The following SSH2 variants were observed in gnomAD, a reference collection of about 807,000 sequenced individuals.
SSH2 encodes the protein slingshot protein phosphatase 2.
Under a neutral mutation model 135.2 loss-of-function variants are expected in SSH2, and 37 were observed. The observed-to-expected ratio is 0.27, with a 90% CI of 0.21 to 0.36. The LOEUF (loss-of-function observed/expected upper bound fraction) is 0.36. SSH2 is among the 10% of genes least tolerant of loss of function. The probability of loss-of-function intolerance (pLI) is 1.00; values close to 1 mark genes in which losing one functional copy is unlikely to be tolerated. For missense variants in SSH2, 1,408 were observed against 1,765.3 expected (o/e 0.80, Z 3.63); for synonymous variants, 628 against 646.2 (o/e 0.97, Z 0.43).
intron 3 of SSH2, among the ~76,000 whole-genome samples, chr17:29,707,373 C>G (rs969220111): frequency 6.6e-6 from 1 of 151,998 alleles, no homozygotes; most frequent in African/African-American, 2.4e-5. Context: ...TCCAGAAACT[C>G]CTGATTATAA....
chr17:29,892,048 T>C (rs2066359603), intron 1 of SSH2, among the ~76,000 whole-genome samples: 1 of 152,074 alleles, frequency 6.6e-6, no homozygotes, highest in Non-Finnish European at 1.5e-5. Context: ...CTTTCTTTTT[T>C]TTTTCTTTCT....
chr17:29,839,460 A>G (rs1218294050), intron 2 of SSH2, among the ~76,000 whole-genome samples: 1 of 152,250 alleles, frequency 6.6e-6, no homozygotes, highest in Non-Finnish European at 1.5e-5. Context: ...TTGATTATTA[A>G]GCTAACTCTT....
chr17:29,761,885 A>ATTTTT lies in SSH2; in HGVS notation c.188+32008_188+32009insAAAAA, dbSNP rs199771095. Among the ~76,000 whole-genome samples the ATTTTT allele has an allele frequency of 4.0e-3, 552 of 139,438 alleles. 2 individuals carry two copies. The highest frequency in any genetic ancestry group is 5.6e-3 in the Non-Finnish European group (370 of 65,940). 91.5% of individuals were successfully genotyped at this position (139,438 alleles called of 152,430 possible). ...TGTGTGTGTGTGTATATATATATAT[A>ATTTTT]TATTTTTTTTTGAGATGGAGTTTCT... On this transcript the variant is annotated intron_variant, in intron 3 of 15. Transcript: ENST00000540801.
intron 2 of SSH2, among the ~76,000 whole-genome samples, chr17:29,803,898 A>G (rs2042294639): frequency 6.6e-6 from 1 of 152,204 alleles, no homozygotes; most frequent in African/African-American, 2.4e-5. Flanking sequence ...AGGACAAGAA[A>G]GGACCTGCAA....
Position 29,627,864 on chromosome 17 carries a change from T to C in SSH2, c.*2977A>G, listed in dbSNP as rs376240095. 2.0e-5 allele frequency: 3 copies of C among 152,322 alleles called. No homozygotes were observed. Among genetic ancestry groups the C allele is most frequent in the East Asian group, 3.9e-4 (2 of 5,190 alleles). 9.4% of individuals were successfully genotyped at this position (152,322 alleles called of 1,614,324 possible). On this transcript the variant is annotated 3_prime_UTR_variant, in exon 16 of 16. Transcript: ENST00000540801. ...AAAACATCAACTGTTTTTATATATG[T>C]ACATATGTGTACACATGCACATACA...
intron 5 of SSH2, among the ~76,000 whole-genome samples, chr17:29,686,300 CTCA>C (rs2038216287): frequency 6.6e-6 from 1 of 152,024 alleles, no homozygotes; most frequent in Non-Finnish European, 1.5e-5. Flanking sequence ...GATCTATGCC[CTCA>C]TCGAGTTATA....
chr17:29,731,417 TTTTATTTATTTATTTATTTATTTA>T (rs142032070), intron 3 of SSH2, among the ~76,000 whole-genome samples: 15 of 119,754 alleles, frequency 1.3e-4, no homozygotes, highest in African/African-American at 2.4e-4. Context: ...CAGAAGTATT[TTTTATTTATTTATTTATTTATTTA>T]TTTATTTATT....
At chr17:29,768,064 G>A (rs2041488230) in intron 3 of SSH2, among the ~76,000 whole-genome samples, 1 of 151,952 alleles carries the variant, frequency 6.6e-6, no homozygotes, top group Non-Finnish European at 1.5e-5. Flanking sequence ...CATTATTAGT[G>A]TCTCCTGCTA....
chr17:29,868,761 TCCCAC>T (rs2065896312), intron 1 of SSH2, among the ~76,000 whole-genome samples: 1 of 148,696 alleles, frequency 6.7e-6, no homozygotes, highest in African/African-American at 2.5e-5. Context: ...AAAACTCAGT[TCCCAC>T]CAGGAAATTC....
chr17:29,741,292 A>T (rs971264642), intron 3 of SSH2, among the ~76,000 whole-genome samples: 1 of 152,228 alleles, frequency 6.6e-6, no homozygotes, highest in African/African-American at 2.4e-5. Flanking sequence ...AGCAATCTGT[A>T]TCAAAAGCCC....
chr17:29,639,530 C>G (rs2036060593), intron 14 of SSH2: 2 of 152,558 alleles, frequency 1.3e-5, no homozygotes, highest in Non-Finnish European at 2.9e-5. Context: ...TCAGCTCCCC[C>G]TGCCTGTCTG....
intron 1 of SSH2, among the ~76,000 whole-genome samples, chr17:29,921,278 C>T (rs1043342285): frequency 1.3e-5 from 2 of 152,072 alleles, no homozygotes; most frequent in Admixed American, 6.6e-5. Context: ...ACATGAGGCA[C>T]AAAAGGTACT....
intron 2 of SSH2, among the ~76,000 whole-genome samples, chr17:29,812,709 T>C (rs974243455): frequency 3.3e-5 from 5 of 151,714 alleles, no homozygotes; most frequent in Non-Finnish European, 1.5e-5. Flanking sequence ...GCTAACACGG[T>C]GAAACCCCGT....
intron 3 of SSH2, among the ~76,000 whole-genome samples, chr17:29,718,337 C>A (rs1870998023): frequency 6.6e-6 from 1 of 152,172 alleles, no homozygotes; most frequent in Admixed American, 6.5e-5. Context: ...ATGTCTTTAG[C>A]CACACTTATG....
At chr17:29,799,752 CA>C (rs1180693174) in intron 2 of SSH2, among the ~76,000 whole-genome samples, 1 of 152,176 alleles carries the variant, frequency 6.6e-6, no homozygotes, top group African/African-American at 2.4e-5. Flanking sequence ...GTTATGTCTA[CA>C]GGGGTGAACT....
At chr17:29,784,513 C>G (rs1450326830) in intron 3 of SSH2, among the ~76,000 whole-genome samples, 1 of 151,530 alleles carries the variant, frequency 6.6e-6, no homozygotes, top group Non-Finnish European at 1.5e-5. Flanking sequence ...AGGAGAATCA[C>G]TTGAATCCAG....
intron 1 of SSH2, among the ~76,000 whole-genome samples, chr17:29,857,117 T>C (rs2065676684): frequency 6.6e-6 from 1 of 152,126 alleles, no homozygotes; most frequent in Non-Finnish European, 1.5e-5. Flanking sequence ...TTCAGCATTC[T>C]ACTGGTACCA....
Position 29,627,588 on chromosome 17 carries a change from C to T in SSH2, c.*3253G>A, listed in dbSNP as rs909069234. ...AAATCCATAACCCTGTCTCAAGCCT[C>T]CTCAGAACCAGGAAAATACTAAAGA... On this transcript the variant is annotated 3_prime_UTR_variant, in exon 16 of 16. Transcript: ENST00000540801. 6.6e-6 allele frequency: 1 copy of T among 152,562 alleles called. No homozygotes were observed. Among genetic ancestry groups the T allele is most frequent in the African/African-American group, 2.4e-5 (1 of 41,436 alleles). The allele number at this position is 152,562 out of a possible 1,614,324, so 9.5% of individuals were successfully genotyped here.
At chr17:29,775,365 C>T (rs182711693) in intron 3 of SSH2, among the ~76,000 whole-genome samples, 258 of 151,552 alleles carry the variant, frequency 1.7e-3, no homozygotes, top group Non-Finnish European at 3.2e-3. Context: ...CTTGGCTCTC[C>T]TCAACCTCTG....
Sources: allele counts gnomAD v4.1 joint callset (sites outside exome capture counted in the v4.1 genomes callset), GRCh38; gene constraint gnomAD v4.1.1; transcripts MANE v1.5; gene names NCBI Gene and HGNC (gene_info 2026-07-23, HGNC 2026-07-21).